The following SRPX variants were observed in gnomAD, a reference collection of about 807,000 sequenced individuals.
SRPX encodes the protein sushi repeat-containing protein SRPX.
A neutral mutation model predicts 38.1 loss-of-function variants in SRPX; 24 were observed. The ratio of observed to expected loss-of-function variants is 0.63; its 90% CI spans 0.46 to 0.89. The LOEUF is 0.89. Among genes scored for constraint, SRPX ranks in the 40% least tolerant of loss-of-function variants. The pLI, the probability that SRPX is intolerant of heterozygous loss-of-function variation, is 0.00. For synonymous variants in SRPX, 184 were observed against 153.8 expected (o/e 1.20, Z -1.45); for missense variants, 416 against 377.8 (o/e 1.10, Z -0.84).
rs765448794 is a variant in SRPX at position 38,149,906 on chromosome X, A to G, written c.1212-12T>C. 8 of 1,191,447 alleles carry G rather than the reference A, an allele frequency of 6.7e-6. No homozygotes were observed. In the Admixed American group the frequency reaches 1.8e-4, roughly 27 times the overall value. On this transcript the variant is annotated splice_polypyrimidine_tract_variant and intron_variant, in intron 9 of 9. Transcript: ENST00000378533. Reference sequence around the variant, plus strand: ...TTCGCAGCAACAGCCTGTGGCAGACAAAGAAAAGAGGAGACTAAGTCAAAC... The same window carrying G: ...TTCGCAGCAACAGCCTGTGGCAGACGAAGAAAAGAGGAGACTAAGTCAAAC...
At chrX:38,211,697 CAAA>C (rs1323531513) in intron 1 of SRPX, among the ~76,000 whole-genome samples, 2 of 100,406 alleles carry the variant, frequency 2.0e-5, no homozygotes, top group Non-Finnish European at 4.1e-5. Context: ...AAGACTCGGT[CAAA>C]AAAAAAAGAG....
chrX:38,175,801 T>C (rs975832361), intron 2 of SRPX, among the ~76,000 whole-genome samples: 1 of 112,300 alleles, frequency 8.9e-6, no homozygotes. Flanking sequence ...AGGCTTAACC[T>C]AGAGCTGATT....
intron 1 of SRPX, among the ~76,000 whole-genome samples, chrX:38,193,486 A>G (rs758342535): frequency 3.7e-4 from 42 of 112,129 alleles, no homozygotes; most frequent in Non-Finnish European, 6.8e-4. Flanking sequence ...TCCCCTCTTC[A>G]ATGAAATTCT....
rs1938215187 is a variant in SRPX, at chrX:38,160,120, G to A, written c.852C>T (p.Ala284=). The change falls in exon 7 of 10, where the codon GCC becomes GCT. Residue 284 remains alanine (A), a synonymous_variant. Transcript: ENST00000378533. ...KCSSDGDNYG[A]TCEFSCIGGY... Reference sequence around the variant, plus strand: ...CGCCGATGCAGGAGAACTCACAGGTGGCTCCATAATTATCACCGTCGCTGG... The same window carrying A: ...CGCCGATGCAGGAGAACTCACAGGTAGCTCCATAATTATCACCGTCGCTGG... 8.3e-7 allele frequency: 1 copy of A among 1,211,780 alleles called. No individual in the cohort carries two copies. Among genetic ancestry groups the A allele is most frequent in the East Asian group, 3.0e-5 (1 of 33,865 alleles).
Position 38,170,734 on chromosome X carries a change from T to A in SRPX, c.526+1147A>T, listed in dbSNP as rs1195053268. Among the ~76,000 whole-genome samples, 9 of 112,145 alleles carry A rather than the reference T, an allele frequency of 8.0e-5. No individual in the cohort carries two copies. The East Asian group carries it at 2.5e-3, about 31-fold the overall frequency. On this transcript the variant is annotated intron_variant, in intron 4 of 9. Transcript: ENST00000378533. ...TGTTGGTTTTTGAGAACAATCAGCA[T>A]TTTCTTTCCATTGTTGCACACAATC...
chrX:38,197,811 T>C (rs1042156868), intron 1 of SRPX, among the ~76,000 whole-genome samples: 1 of 112,357 alleles, frequency 8.9e-6, no homozygotes, highest in African/African-American at 3.2e-5. Context: ...GAGAGAAACT[T>C]ACTTTGTGCA....
chrX:38,187,886 G>A (rs1938816555), intron 1 of SRPX, among the ~76,000 whole-genome samples: 1 of 112,382 alleles, frequency 8.9e-6, no homozygotes, highest in East Asian at 2.8e-4. Context: ...TAGCAGGCAA[G>A]ATCTATTCTG....
intron 2 of SRPX, among the ~76,000 whole-genome samples, chrX:38,176,134 G>A (rs1938563560): frequency 9.0e-6 from 1 of 111,471 alleles, no homozygotes; most frequent in South Asian, 3.8e-4. Context: ...TGAAAGTTAG[G>A]TGAATGTACT....
At chrX:38,173,641 G>T (rs1160324476) in intron 3 of SRPX, among the ~76,000 whole-genome samples, 2 of 110,943 alleles carry the variant, frequency 1.8e-5, no homozygotes, top group African/African-American at 6.6e-5. Context: ...GTAGAGATGG[G>T]GTTTCACCGT....
Position 38,167,866 on chromosome X carries a change from T to C in SRPX, c.527-2971A>G, listed in dbSNP as rs777789819. On this transcript the variant is annotated intron_variant, in intron 4 of 9. Coordinates refer to ENST00000378533, the MANE Select transcript of SRPX (RefSeq NM_006307.5). ...GCCTTGACTTCCCAGACTCATGTGATCCTCCCACCTCAGCCTCCCAAGTAG... is the reference window on the plus strand; with the variant it reads ...GCCTTGACTTCCCAGACTCATGTGACCCTCCCACCTCAGCCTCCCAAGTAG... Among the ~76,000 whole-genome samples the C allele has an allele frequency of 7.2e-5, 8 of 111,642 alleles. No homozygotes were observed. In the East Asian group the frequency reaches 2.2e-3, roughly 31 times the overall value.
intron 1 of SRPX, among the ~76,000 whole-genome samples, chrX:38,202,491 C>A (rs975138265): frequency 9.0e-6 from 1 of 111,414 alleles, no homozygotes; most frequent in Non-Finnish European, 1.9e-5. Flanking sequence ...ACAAAACAAA[C>A]CCAAAGCATG....
chrX:38,176,608 C>G (rs1233285786), intron 2 of SRPX, among the ~76,000 whole-genome samples: 4 of 111,085 alleles, frequency 3.6e-5, no homozygotes, highest in African/African-American at 6.6e-5. Flanking sequence ...GCCTGGCCAA[C>G]ATAGTGAAAC....
intron 7 of SRPX, among the ~76,000 whole-genome samples, chrX:38,157,867 C>G (rs1465176504): frequency 1.8e-5 from 2 of 112,405 alleles, no homozygotes; most frequent in Non-Finnish European, 3.8e-5. Context: ...CTGGAGGGAA[C>G]TGGAGTATTT....
intron 1 of SRPX, 105 bp from the exon 2 acceptor site, chrX:38,178,449 A>C: frequency 1.6e-6 from 1 of 629,559 alleles, no homozygotes. Context: ...TGCTATTAGA[A>C]TGCAGAGCCA....
chrX:38,204,261 T>G (rs750152209), intron 1 of SRPX, among the ~76,000 whole-genome samples: 1 of 112,067 alleles, frequency 8.9e-6, no homozygotes, highest in African/African-American at 3.2e-5. Flanking sequence ...ATGAAATTTA[T>G]AGCCAAAACA....
rs1201121661 is a variant in SRPX, at chrX:38,212,102, T to C, written c.97+8594A>G. On this transcript the variant is annotated intron_variant, in intron 1 of 9. Transcript: ENST00000378533. ...GCTAAAGTTATTCATCAGGTATTAA[T>C]ACATCTTAGCTGCAGGAAAAAGCCA... Among the ~76,000 whole-genome samples the C allele has an allele frequency of 6.2e-5, 7 of 112,185 alleles. No individual in the cohort carries two copies. The East Asian group carries it at 2.0e-3, about 31-fold the overall frequency.
intron 9 of SRPX, among the ~76,000 whole-genome samples, chrX:38,150,099 C>T (rs5963386): frequency 0.29 from 32,272 of 110,517 alleles, 4,779 homozygotes; most frequent in African/African-American, 0.56. Flanking sequence ...TGGAGACTCT[C>T]ATGCCCAACC....
At chrX:38,151,110 G>A (rs1288478733) in intron 9 of SRPX, among the ~76,000 whole-genome samples, 5 of 112,098 alleles carry the variant, frequency 4.5e-5, no homozygotes, top group African/African-American at 9.7e-5. Context: ...AGGGAGTTTC[G>A]AGGAAGAAGG....
intron 7 of SRPX, 66 bp from the exon 8 acceptor site, chrX:38,157,095 A>G (rs1938148561): frequency 4.4e-6 from 5 of 1,137,307 alleles, no homozygotes; most frequent in Non-Finnish European, 5.9e-6. Context: ...AGAGCCTATG[A>G]TGACACACAG....
Sources: gnomAD v4.1 joint callset for allele counts (sites outside exome capture counted in the v4.1 genomes callset) on GRCh38, gnomAD v4.1.1 for gene constraint, MANE v1.5 for transcripts, NCBI Gene and HGNC (gene_info 2026-07-23, HGNC 2026-07-21) for gene names.